The following AGBL3 variants were observed in gnomAD, a reference collection of about 807,000 sequenced individuals.
AGBL3 encodes the protein cytosolic carboxypeptidase 3.
A neutral mutation model predicts 94.5 loss-of-function variants in AGBL3; 68 were observed. The ratio of observed to expected loss-of-function variants is 0.72; its 90% confidence interval spans 0.59 to 0.88. The LOEUF (loss-of-function observed/expected upper bound fraction) is 0.88, where lower values mean the gene tolerates loss of function less well. Among genes scored for constraint, AGBL3 ranks in the 40% least tolerant of loss-of-function variants. The pLI, the probability that AGBL3 is intolerant of heterozygous loss-of-function variation, is 0.00. For missense variants in AGBL3, 934 were observed against 1,103.8 expected (o/e 0.85, Z 2.18); for synonymous variants, 354 against 370.7 (o/e 0.95, Z 0.52).
intron 16 of AGBL3, among the ~76,000 whole-genome samples, chr7:135,121,733 T>A (rs1225422296): frequency 6.6e-6 from 1 of 152,070 alleles, no homozygotes; most frequent in African/African-American, 2.4e-5. Flanking sequence ...CAGAACTGAC[T>A]AGGAGGCTGG....
intron 8 of AGBL3, 147 bp from the exon 9 acceptor site, chr7:135,043,878 C>A: frequency 1.1e-6 from 1 of 942,948 alleles, no homozygotes; most frequent in Non-Finnish European, 1.4e-6. Context: ...TGAGATATTT[C>A]CACAGGTCAG....
At chr7:135,070,460 G>C (rs1048367837) in intron 12 of AGBL3, among the ~76,000 whole-genome samples, 1 of 152,120 alleles carries the variant, frequency 6.6e-6, no homozygotes, top group Non-Finnish European at 1.5e-5. Flanking sequence ...GATGAACATT[G>C]ATACAAAAAT....
chr7:135,080,342 G>A, intron 14 of AGBL3, 82 bp downstream of exon 14: 1 of 1,108,342 alleles, frequency 9.0e-7, no homozygotes, highest in Non-Finnish European at 1.3e-6. Context: ...CTTTGAGGTT[G>A]CCACTGTGCT....
In AGBL3 at chr7:134,987,877, A is replaced by C; in HGVS notation, c.-57A>C. ...AAGCTGTCATATAATTTCCTTAGAA[A>C]TTGTTTTACAGCCTACCCGTATATT... On this transcript the variant is annotated splice_region_variant and 5_prime_UTR_variant, in exon 2 of 17. Coordinates refer to ENST00000436302, the MANE Select transcript of AGBL3 (RefSeq NM_178563.4). 1 of 1,315,778 alleles carries C rather than the reference A, an allele frequency of 7.6e-7. No homozygotes were observed. Among genetic ancestry groups the C allele is most frequent in the Non-Finnish European group, 1.1e-6 (1 of 949,000 alleles). 81.5% of individuals were successfully genotyped at this position (1,315,778 alleles called of 1,614,324 possible). A position where few individuals can be genotyped will look rare whatever the true frequency, so the allele number is the denominator to read the frequency against.
chr7:135,115,473 G>T lies in AGBL3; in HGVS notation c.2204G>T (p.Ser735Ile). ...AATTGGACAGATGATGAAAAAAGAAGCTACAAGGATAAAGGAATAGTTCAA... is the reference window on the plus strand; with the variant it reads ...AATTGGACAGATGATGAAAAAAGAATCTACAAGGATAAAGGAATAGTTCAA... ...GINWTDDEKR[S>I]YKDKGIVQTQ... The change falls in exon 16 of 17, where the codon AGC becomes ATC. Residue 735 changes from serine (S) to isoleucine (I), a missense_variant. This residue lies in a region of AGBL3 where 441 missense variants were observed against 518.2 expected (regional missense o/e 0.85). Transcript: ENST00000436302. 1 of 1,551,316 alleles carries T rather than the reference G, an allele frequency of 6.4e-7. No homozygotes were observed. The highest frequency in any genetic ancestry group is 8.7e-7 in the Non-Finnish European group (1 of 1,146,748).
At chr7:135,127,550 T>A (rs1828060505) in intron 16 of AGBL3, among the ~76,000 whole-genome samples, 1 of 146,382 alleles carries the variant, frequency 6.8e-6, no homozygotes. Flanking sequence ...AGTCTCCGTC[T>A]AAAAAAAAAA....
At chr7:135,059,782 T>C (rs1818666005) in intron 12 of AGBL3, among the ~76,000 whole-genome samples, 1 of 152,144 alleles carries the variant, frequency 6.6e-6, no homozygotes, top group African/African-American at 2.4e-5. Context: ...CAGTTTGGGA[T>C]AGAGGCTACC....
At chr7:135,016,328 A>G (rs1813801188) in intron 4 of AGBL3, among the ~76,000 whole-genome samples, 2 of 152,148 alleles carry the variant, frequency 1.3e-5, no homozygotes, top group Admixed American at 1.3e-4. Context: ...GCTAGATTTG[A>G]TCCCTATTGA....
intron 12 of AGBL3, among the ~76,000 whole-genome samples, chr7:135,074,115 C>G (rs1051837040): frequency 6.6e-6 from 1 of 152,048 alleles, no homozygotes; most frequent in African/African-American, 2.4e-5. Context: ...TGAGGTGATA[C>G]GTGTGTTAAT....
intron 13 of AGBL3, among the ~76,000 whole-genome samples, 179 bp downstream of exon 13, chr7:135,076,647 T>C (rs79654062): frequency 0.032 from 4,915 of 152,296 alleles, 102 homozygotes; most frequent in Middle Eastern, 0.051. Context: ...AGGTGGGCCT[T>C]ATTAAGATGC....
chr7:135,076,819 C>T (rs1820498071), intron 13 of AGBL3, among the ~76,000 whole-genome samples: 1 of 152,130 alleles, frequency 6.6e-6, no homozygotes, highest in South Asian at 2.1e-4. Flanking sequence ...GAAACATCAG[C>T]TTCTACCATG....
intron 5 of AGBL3, among the ~76,000 whole-genome samples, chr7:135,027,870 A>T (rs1286174591): frequency 2.0e-5 from 3 of 151,632 alleles, no homozygotes; most frequent in African/African-American, 7.2e-5. Flanking sequence ...ACAAATTTTT[A>T]AAAAGAATTC....
At chr7:135,023,407 T>A (rs1814731256) in intron 5 of AGBL3, among the ~76,000 whole-genome samples, 1 of 152,056 alleles carries the variant, frequency 6.6e-6, no homozygotes, top group South Asian at 2.1e-4. Flanking sequence ...CCCTGAACAG[T>A]CCTAGGGAAG....
intron 11 of AGBL3, among the ~76,000 whole-genome samples, chr7:135,055,171 C>A (rs1265725131): frequency 6.6e-6 from 1 of 152,170 alleles, no homozygotes; most frequent in Non-Finnish European, 1.5e-5. Context: ...CCCCATGACC[C>A]AAACACCTCC....
chr7:135,103,734 G>T (rs932453370), intron 15 of AGBL3, among the ~76,000 whole-genome samples: 2 of 152,192 alleles, frequency 1.3e-5, no homozygotes, highest in African/African-American at 4.8e-5. Context: ...AATAAGCAGA[G>T]TCAGGCAGAT....
chr7:135,087,762 C>T (rs1821443925), intron 15 of AGBL3, among the ~76,000 whole-genome samples: 1 of 151,924 alleles, frequency 6.6e-6, no homozygotes, highest in Non-Finnish European at 1.5e-5. Flanking sequence ...AGAGGATATT[C>T]CATGTGCTGA....
At chr7:135,009,916 C>A in intron 4 of AGBL3, 1 of 361,056 alleles carries the variant, frequency 2.8e-6, no homozygotes. Flanking sequence ...TTTTCGCAGA[C>A]TTTGGAGCAT....
In AGBL3 at chr7:135,034,592, G is replaced by C. The variant is rs747834688; in HGVS notation, c.1001G>C (p.Arg334Thr). The C allele has an allele frequency of 4.4e-5, 69 of 1,551,590 alleles. No homozygotes were observed. Among genetic ancestry groups the C allele is most frequent in the Non-Finnish European group, 5.5e-5 (63 of 1,146,980 alleles). ...KIRVLCHTLA[R>T]NMVYILTITT... ...CGTGTTTTGTGCCACACGCTTGCTA[G>C]GAACATGGTGTATATTTTAACAATC... Residue 334 changes from arginine (R) to threonine (T), a missense_variant, in exon 7 of 17, where the codon AGG becomes ACG. By Grantham distance (71) the Arg-to-Thr change is moderately conservative. Transcript: ENST00000436302.
At chr7:135,056,368 A>G (rs987049381) in intron 11 of AGBL3, among the ~76,000 whole-genome samples, 1 of 152,018 alleles carries the variant, frequency 6.6e-6, no homozygotes, top group Non-Finnish European at 1.5e-5. Context: ...TTTCTGACAT[A>G]TGCATTCAAT....
Sources: gnomAD v4.1 joint callset for allele counts (sites outside exome capture counted in the v4.1 genomes callset) on GRCh38, gnomAD v4.1.1 for gene constraint, gnomAD v4.1.1 regional missense constraint, MANE v1.5 for transcripts, NCBI Gene and HGNC (gene_info 2026-07-23, HGNC 2026-07-21) for gene names.